LPP: variants seen among roughly 807,000 people sequenced by gnomAD.
The protein encoded by LPP is lipoma-preferred partner.
Under a neutral mutation model 60.4 loss-of-function variants are expected in LPP, and 38 were observed. That is an observed-to-expected ratio of 0.63 (90% CI 0.49 to 0.83). The LOEUF (loss-of-function observed/expected upper bound fraction) is 0.83. Ranked by LOEUF, LPP falls within the 40% of genes least tolerant of loss-of-function variation. The pLI is 0.00. For synonymous variants in LPP, 328 were observed against 290.8 expected, an observed-to-expected ratio of 1.13 and a Z score of -1.30; for missense variants, 902 against 783.6, an observed-to-expected ratio of 1.15 and a Z score of -1.80.
chr3:188,203,551 T>TTAAATATATATATATA (rs1732106240), intron 1 of LPP, among the ~76,000 whole-genome samples: 7 of 73,298 alleles, frequency 9.6e-5, no homozygotes, highest in Admixed American at 2.5e-4. Flanking sequence ...ATATATATAT[T>TTAAATATATATATATA]TTTAAATATA....
At chr3:188,552,139 A>G (rs1560553709) in intron 6 of LPP, among the ~76,000 whole-genome samples, 1 of 152,154 alleles carries the variant, frequency 6.6e-6, no homozygotes, top group Non-Finnish European at 1.5e-5. Context: ...GACCAGCTCT[A>G]ATGTTTTACA....
chr3:188,165,081 G>A (rs1053309054), intron 1 of LPP, among the ~76,000 whole-genome samples: 1 of 151,926 alleles, frequency 6.6e-6, no homozygotes, highest in African/African-American at 2.4e-5. Context: ...AGACCATCCT[G>A]GGTAATATAG....
At chr3:188,564,190 A>T (rs1831532746) in intron 6 of LPP, among the ~76,000 whole-genome samples, 1 of 152,038 alleles carries the variant, frequency 6.6e-6, no homozygotes, top group African/African-American at 2.4e-5. Flanking sequence ...TGATTCTATG[A>T]TAGGAAGGTC....
In LPP at chr3:188,577,884, C is replaced by G. The variant is rs187728086; in HGVS notation, c.430-31277C>G. On this transcript the variant is annotated intron_variant, in intron 6 of 11. Coordinates refer to ENST00000617246, the MANE Select transcript of LPP (RefSeq NM_001375462.1). The stretch of plus-strand genomic sequence containing the variant: ...CTTTTCCTCTCCCCCTTCTGTCTTC[C>G]TCTCCCCACCTCCATCTCCCTCTCT... Among the ~76,000 whole-genome samples, 360 of 146,416 alleles carry G rather than the reference C, an allele frequency of 2.5e-3. 2 individuals are homozygous for G. Among genetic ancestry groups the G allele is most frequent in the African/African-American group, 7.3e-3 (290 of 39,858 alleles).
chr3:188,586,220 T>C (rs992676733), intron 6 of LPP, among the ~76,000 whole-genome samples: 1 of 152,200 alleles, frequency 6.6e-6, no homozygotes, highest in Non-Finnish European at 1.5e-5. Flanking sequence ...TGGAAACATA[T>C]TGGTTTGACA....
intron 3 of LPP, among the ~76,000 whole-genome samples, chr3:188,357,725 C>G (rs764344405): frequency 3.3e-5 from 5 of 152,148 alleles, no homozygotes; most frequent in Non-Finnish European, 7.3e-5. Flanking sequence ...AGAAAGCATT[C>G]TGAGTATAGT....
intron 2 of LPP, among the ~76,000 whole-genome samples, chr3:188,340,614 T>G (rs1437194398): frequency 2.0e-5 from 3 of 152,126 alleles, no homozygotes; most frequent in African/African-American, 7.2e-5. Flanking sequence ...TCTCTGAACC[T>G]AGGGCATGAT....
At chr3:188,377,165 A>T (rs938242667) in intron 3 of LPP, among the ~76,000 whole-genome samples, 2 of 152,108 alleles carry the variant, frequency 1.3e-5, no homozygotes, top group African/African-American at 2.4e-5. Flanking sequence ...AACTTTGGTG[A>T]ATCTGACAAA....
chr3:188,266,604 C>T (rs1417780362), intron 2 of LPP, among the ~76,000 whole-genome samples: 1 of 151,926 alleles, frequency 6.6e-6, no homozygotes, highest in African/African-American at 2.4e-5. Flanking sequence ...ATGTACATAA[C>T]TTTCTCATTA....
intron 4 of LPP, among the ~76,000 whole-genome samples, chr3:188,419,997 C>T (rs1403737468): frequency 1.3e-5 from 2 of 152,006 alleles, no homozygotes; most frequent in Non-Finnish European, 2.9e-5. Context: ...ATGACAAAAT[C>T]AGTGGAAGCT....
At chr3:188,835,389 G>A (rs1354895748) in intron 9 of LPP, among the ~76,000 whole-genome samples, 2 of 151,508 alleles carry the variant, frequency 1.3e-5, no homozygotes, top group Non-Finnish European at 2.9e-5. Context: ...CATTTTGGGA[G>A]GCTGAGGCGG....
At chr3:188,635,523 T>C (rs1848568223) in intron 7 of LPP, among the ~76,000 whole-genome samples, 1 of 152,188 alleles carries the variant, frequency 6.6e-6, no homozygotes, top group Admixed American at 6.5e-5. Context: ...GAAATGAACG[T>C]GTGTGTGCAA....
At chr3:188,578,364 A>G (rs1208725976) in intron 6 of LPP, among the ~76,000 whole-genome samples, 2 of 151,990 alleles carry the variant, frequency 1.3e-5, no homozygotes, top group Admixed American at 6.6e-5. Flanking sequence ...GCTAAAGCTT[A>G]TATACTTTAT....
At chr3:188,346,139 C>G (rs1393473796) in intron 3 of LPP, among the ~76,000 whole-genome samples, 1 of 150,442 alleles carries the variant, frequency 6.6e-6, no homozygotes, top group Non-Finnish European at 1.5e-5. Context: ...TTCCACTACC[C>G]ATACTTTCCA....
chr3:188,336,382 A>G (rs1044433977), intron 2 of LPP, among the ~76,000 whole-genome samples: 4 of 152,150 alleles, frequency 2.6e-5, no homozygotes, highest in Admixed American at 2.0e-4. Flanking sequence ...CTACAAACTC[A>G]GTCCCAGCTG....
intron 3 of LPP, among the ~76,000 whole-genome samples, chr3:188,370,358 G>A (rs1250717622): frequency 2.0e-5 from 3 of 152,152 alleles, no homozygotes; most frequent in Non-Finnish European, 2.9e-5. Flanking sequence ...GAGTTCGCAC[G>A]TTGCTCTTGT....
rs532253380 is a variant in LPP at position 188,775,958 on chromosome 3, C to T, written c.1410+15676C>T. Among the ~76,000 whole-genome samples the T allele has an allele frequency of 3.3e-5, 5 of 152,276 alleles. No homozygotes were observed. The South Asian group carries it at 8.3e-4, about 25-fold the overall frequency. Reference sequence around the variant, plus strand: ...GAAAAGTGAGTGTTTAAACACATGTCCATTGAATATTTTTAACTGAAAAGT... The same window carrying T: ...GAAAAGTGAGTGTTTAAACACATGTTCATTGAATATTTTTAACTGAAAAGT... On this transcript the variant is annotated intron_variant, in intron 9 of 11. Transcript: ENST00000617246.
intron 4 of LPP, among the ~76,000 whole-genome samples, chr3:188,441,576 T>C (rs1448804941): frequency 2.7e-5 from 4 of 150,206 alleles, no homozygotes; most frequent in African/African-American, 9.8e-5. Context: ...TCCATTGCAA[T>C]ACTCATTACA....
chr3:188,424,247 C>T (rs186994598), intron 4 of LPP, among the ~76,000 whole-genome samples: 1 of 152,224 alleles, frequency 6.6e-6, no homozygotes, highest in East Asian at 1.9e-4. Context: ...TCAGATTTGT[C>T]AGAGATCAGA....
Sources: allele counts gnomAD v4.1 joint callset (sites outside exome capture counted in the v4.1 genomes callset), GRCh38; gene constraint gnomAD v4.1.1; transcripts MANE v1.5; gene names NCBI Gene and HGNC (gene_info 2026-07-23, HGNC 2026-07-21).